Variants in CFAP95 observed in about 807,000 individuals in gnomAD.
CFAP95 encodes the protein cilia- and flagella-associated protein 95.
the CFAP95 span, among the ~76,000 whole-genome samples, chr9:69,847,019 A>G: frequency 6.6e-6 from 1 of 152,160 alleles, no homozygotes; most frequent in Non-Finnish European, 1.5e-5. Context: ...ATGTCCTGGA[A>G]TTTAGAGGAC....
chr9:69,901,223 C>T, the CFAP95 span, among the ~76,000 whole-genome samples: 7 of 151,676 alleles, frequency 4.6e-5, no homozygotes, highest in South Asian at 4.2e-4. Context: ...CTGCAAGCTC[C>T]GCCCCCTGGG....
the CFAP95 span, among the ~76,000 whole-genome samples, chr9:69,831,051 C>T: frequency 6.6e-6 from 1 of 151,812 alleles, no homozygotes; most frequent in African/African-American, 2.4e-5. Context: ...TTGGTCACAC[C>T]GTGTATTTTC....
chr9:69,877,219 C>T, the CFAP95 span, among the ~76,000 whole-genome samples: 1 of 152,142 alleles, frequency 6.6e-6, no homozygotes, highest in Non-Finnish European at 1.5e-5. Flanking sequence ...AGGCCATTTC[C>T]ATCATACACC....
chr9:69,828,300 A>C, the CFAP95 span, among the ~76,000 whole-genome samples: 1 of 152,218 alleles, frequency 6.6e-6, no homozygotes, highest in African/African-American at 2.4e-5. Context: ...AGGCTGGCTC[A>C]GTAAAGTATA....
the CFAP95 span, among the ~76,000 whole-genome samples, chr9:69,832,192 G>A: frequency 6.6e-6 from 1 of 152,080 alleles, no homozygotes; most frequent in Non-Finnish European, 1.5e-5. Context: ...AGGCAACAAC[G>A]GACCACTGCA....
At chr9:69,835,790 G>A in the CFAP95 span, among the ~76,000 whole-genome samples, 654 of 152,266 alleles carry the variant, frequency 4.3e-3, 6 homozygotes, top group African/African-American at 0.015. Context: ...AATATGAAAG[G>A]TGCGGCAGTG....
the CFAP95 span, among the ~76,000 whole-genome samples, chr9:69,864,157 G>A: frequency 6.6e-6 from 1 of 152,180 alleles, no homozygotes; most frequent in African/African-American, 2.4e-5. Flanking sequence ...TTGCCTCCTG[G>A]TGGTAGTGAT....
the CFAP95 span, among the ~76,000 whole-genome samples, chr9:69,857,715 A>G: frequency 1.4e-4 from 22 of 152,128 alleles, no homozygotes; most frequent in African/African-American, 3.6e-4. Context: ...TTTAGTAGAG[A>G]CTGGGTTTTA....
the CFAP95 span, among the ~76,000 whole-genome samples, chr9:69,885,432 G>A: frequency 2.0e-5 from 3 of 152,128 alleles, no homozygotes; most frequent in Non-Finnish European, 4.4e-5. Flanking sequence ...TTTATATGGA[G>A]GTATAACCTT....
chr9:69,865,141 T>C, the CFAP95 span, among the ~76,000 whole-genome samples: 1 of 152,114 alleles, frequency 6.6e-6, no homozygotes, highest in Admixed American at 6.6e-5. Context: ...ATAAGGGCCT[T>C]TTCCCCCTTT....
chr9:69,868,838 G>A, the CFAP95 span, among the ~76,000 whole-genome samples: 1 of 148,014 alleles, frequency 6.8e-6, no homozygotes, highest in Admixed American at 6.7e-5. Context: ...AATGAGCCAA[G>A]GACTTAAATA....
At chr9:69,890,819 G>T in the CFAP95 span, among the ~76,000 whole-genome samples, 2 of 152,074 alleles carry the variant, frequency 1.3e-5, no homozygotes, top group African/African-American at 2.4e-5. Context: ...TATAAAGTGG[G>T]ACAGCATTAT....
chr9:69,836,518 CA>C, the CFAP95 span, among the ~76,000 whole-genome samples: 1 of 152,072 alleles, frequency 6.6e-6, no homozygotes, highest in East Asian at 1.9e-4. Flanking sequence ...CTTCTCCAAC[CA>C]GATTGAAAAC....
chr9:69,823,386 G>A, the CFAP95 span, among the ~76,000 whole-genome samples: 8 of 152,286 alleles, frequency 5.3e-5, no homozygotes, highest in Non-Finnish European at 1.2e-4. Context: ...GAGTCAAACC[G>A]TATCAGTAGC....
At chr9:69,884,972 T>G in the CFAP95 span, 1 of 152,230 alleles carries the variant, frequency 6.6e-6, no homozygotes, top group African/African-American at 2.4e-5. Context: ...TGCTGAGATA[T>G]GTATTGCTGG....
At chr9:69,822,871 C>A in the CFAP95 span, among the ~76,000 whole-genome samples, 2 of 152,154 alleles carry the variant, frequency 1.3e-5, no homozygotes, top group Admixed American at 6.5e-5. Flanking sequence ...TTAAATTCAA[C>A]CCAACATACA....
the CFAP95 span, among the ~76,000 whole-genome samples, chr9:69,836,146 T>G: frequency 1.3e-5 from 2 of 152,220 alleles, no homozygotes; most frequent in East Asian, 3.8e-4. Flanking sequence ...GGTAGATGAT[T>G]ATTTTATTTT....
the CFAP95 span, among the ~76,000 whole-genome samples, chr9:69,889,378 C>T: frequency 1.3e-5 from 2 of 152,220 alleles, no homozygotes; most frequent in Admixed American, 6.5e-5. Context: ...CAACTACTCC[C>T]AGATAACTTC....
chr9:69,897,873 C>A, the CFAP95 span, among the ~76,000 whole-genome samples: 1 of 152,092 alleles, frequency 6.6e-6, no homozygotes, highest in African/African-American at 2.4e-5. Flanking sequence ...CTTTAACATC[C>A]TAACCTGCCT....
Sources: gnomAD v4.1 joint callset for allele counts (sites outside exome capture counted in the v4.1 genomes callset) on GRCh38, gnomAD v4.1.1 for gene constraint, MANE v1.5 for transcripts, NCBI Gene and HGNC (gene_info 2026-07-23, HGNC 2026-07-21) for gene names.